Variants in RB1 observed in about 807,000 individuals in gnomAD.
RB1 encodes retinoblastoma-associated protein.
RB1 carries 18 observed loss-of-function variants against 135.4 expected under a neutral mutation model. The observed-to-expected ratio is 0.13, with a 90% CI of 0.09 to 0.20. The LOEUF (loss-of-function observed/expected upper bound fraction) is 0.20. Among genes scored for constraint, RB1 ranks in the 10% least tolerant of loss-of-function variants. The pLI is 1.00. For missense variants in RB1, 868 were observed against 1,110.0 expected (o/e 0.78, Z 3.10); for synonymous variants, 365 against 373.2 (o/e 0.98, Z 0.25).
intron 2 of RB1, among the ~76,000 whole-genome samples, chr13:48,335,927 G>A (rs1399968994): frequency 6.6e-6 from 1 of 151,892 alleles, no homozygotes; most frequent in Non-Finnish European, 1.5e-5. Context: ...GGAAAAAAGA[G>A]AATGGTGGGA....
chr13:48,411,409 C>A, intron 17 of RB1: 1 of 1,611,954 alleles, frequency 6.2e-7, no homozygotes, highest in South Asian at 1.1e-5. Flanking sequence ...GATTCATTGT[C>A]AAATATCTTA....
chr13:48,449,220 T>A (rs1163395538), intron 17 of RB1, among the ~76,000 whole-genome samples: 1 of 152,158 alleles, frequency 6.6e-6, no homozygotes, highest in Non-Finnish European at 1.5e-5. Flanking sequence ...TTTCTGGAAA[T>A]ATTTGATTGC....
chr13:48,429,864 G>A (rs1949112201), intron 17 of RB1, among the ~76,000 whole-genome samples: 1 of 152,104 alleles, frequency 6.6e-6, no homozygotes, highest in Admixed American at 6.6e-5. Flanking sequence ...GCAAAGTGCA[G>A]GATGTAGATG....
At chr13:48,347,735 C>T (rs761682376) in intron 4 of RB1, 90 bp from the exon 5 acceptor site, 14 of 883,286 alleles carry the variant, frequency 1.6e-5, no homozygotes, top group Non-Finnish European at 2.5e-5. Flanking sequence ...ATATATACTT[C>T]TTAAAAGAAG....
At chr13:48,342,485 A>G in intron 2 of RB1, 114 bp from the exon 3 acceptor site, 2 of 709,848 alleles carry the variant, frequency 2.8e-6, no homozygotes, top group Non-Finnish European at 5.0e-6. Context: ...ACAGTATTAC[A>G]AACATTTATT....
At chr13:48,417,722 A>G (rs1593493966) in intron 17 of RB1, among the ~76,000 whole-genome samples, 1 of 152,334 alleles carries the variant, frequency 6.6e-6, no homozygotes, top group East Asian at 1.9e-4. Flanking sequence ...ACACAGCACA[A>G]GAACTTCGTG....
intron 16 of RB1, 104 bp from the exon 17 acceptor site, chr13:48,381,143 T>G (rs1948531797): frequency 6.9e-6 from 10 of 1,445,816 alleles, no homozygotes; most frequent in Non-Finnish European, 9.2e-6. Context: ...ATAAAAATGG[T>G]TTAACCTTTC....
At chr13:48,342,774 C>T in intron 3 of RB1, 60 bp downstream of exon 3, 1 of 1,194,078 alleles carries the variant, frequency 8.4e-7, no homozygotes, top group Non-Finnish European at 1.2e-6. Context: ...TCTGGATTTT[C>T]CTCTCAATAG....
At chr13:48,361,984 T>A (rs1952645824) in intron 7 of RB1, among the ~76,000 whole-genome samples, 1 of 149,762 alleles carries the variant, frequency 6.7e-6, no homozygotes, top group African/African-American at 2.5e-5. Context: ...ACTCACTCTG[T>A]CGCCCAGGCC....
At chr13:48,385,135 A>T (rs1480619818) in intron 17 of RB1, among the ~76,000 whole-genome samples, 3 of 152,150 alleles carry the variant, frequency 2.0e-5, no homozygotes, top group African/African-American at 7.2e-5. Flanking sequence ...TATTCCCTAT[A>T]TGATCTGTCT....
chr13:48,310,445 T>C (rs1454647982), intron 2 of RB1, among the ~76,000 whole-genome samples: 2 of 152,152 alleles, frequency 1.3e-5, no homozygotes, highest in Non-Finnish European at 2.9e-5. Context: ...ATCTTGAACA[T>C]GTTATCTACA....
At chr13:48,332,923 A>T (rs1952349958) in intron 2 of RB1, 1 of 396,968 alleles carries the variant, frequency 2.5e-6, no homozygotes, top group Non-Finnish European at 4.4e-6. Context: ...TAGCCACAGT[A>T]AGAGATTAGT....
chr13:48,383,878 G>C (rs1948554339), intron 17 of RB1, among the ~76,000 whole-genome samples: 1 of 152,068 alleles, frequency 6.6e-6, no homozygotes, highest in South Asian at 2.1e-4. Context: ...TGTATCATCT[G>C]AAAGTGACTA....
intron 18 of RB1, 126 bp downstream of exon 18, chr13:48,453,237 A>T: frequency 2.0e-6 from 2 of 982,420 alleles, no homozygotes; most frequent in Non-Finnish European, 3.1e-6. Context: ...TTCTGTTTTT[A>T]AGAAATTAGT....
At chr13:48,318,989 T>C (rs1952211002) in intron 2 of RB1, 1 of 753,684 alleles carries the variant, frequency 1.3e-6, no homozygotes, top group Non-Finnish European at 2.4e-6. Flanking sequence ...GTTGCTGCCT[T>C]ACATGGGGGC....
chr13:48,317,207 G>T, intron 2 of RB1: 2 of 466,534 alleles, frequency 4.3e-6, no homozygotes, highest in Non-Finnish European at 3.6e-6. Flanking sequence ...GAAGAGGCTG[G>T]CCTGCCTGCC....
At chr13:48,388,057 TA>T (rs1948583807) in intron 17 of RB1, among the ~76,000 whole-genome samples, 1 of 152,238 alleles carries the variant, frequency 6.6e-6, no homozygotes, top group African/African-American at 2.4e-5. Context: ...CATTTAGTCT[TA>T]AATTGTTTAT....
intron 8 of RB1, among the ~76,000 whole-genome samples, chr13:48,364,495 T>C (rs1952674478): frequency 1.3e-5 from 2 of 152,236 alleles, no homozygotes; most frequent in Admixed American, 1.3e-4. Context: ...TTAGTATGTA[T>C]ATATAGTACA....
chr13:48,346,567 C>A (rs1004284401), intron 4 of RB1, among the ~76,000 whole-genome samples: 2 of 151,320 alleles, frequency 1.3e-5, no homozygotes, highest in Non-Finnish European at 2.9e-5. Context: ...ATTATTTAGG[C>A]CCCTGAAAAA....
Sources: gnomAD v4.1 joint callset for allele counts (sites outside exome capture counted in the v4.1 genomes callset) on GRCh38, gnomAD v4.1.1 for gene constraint, MANE v1.5 for transcripts, NCBI Gene and HGNC (gene_info 2026-07-23, HGNC 2026-07-21) for gene names.